Variants in ATAD2 observed in about 807,000 individuals in gnomAD.
ATAD2 encodes the protein ATPase family AAA domain-containing protein 2.
In ATAD2, 62 loss-of-function variants were observed where a neutral mutation model predicts 168.9. The observed-to-expected ratio is 0.37, with a 90% CI of 0.30 to 0.45. ATAD2 has a LOEUF of 0.45. Ranked by LOEUF, ATAD2 falls within the 20% of genes least tolerant of loss-of-function variation. ATAD2 has a pLI of 1.00. For missense variants in ATAD2, 1,419 were observed against 1,667.8 expected (o/e 0.85, Z 2.60); for synonymous variants, 613 against 571.6 (o/e 1.07, Z -1.03).
At chr8:123,327,129 G>T (rs544302291) in intron 25 of ATAD2, among the ~76,000 whole-genome samples, 22 of 152,114 alleles carry the variant, frequency 1.4e-4, no homozygotes, top group Admixed American at 7.2e-4. Context: ...GGCTGGTCTC[G>T]AACTCCTGAC....
chr8:123,336,326 G>A lies in ATAD2; in HGVS notation c.3211+47C>T, dbSNP rs375284169. On this transcript the variant is annotated intron_variant, in intron 22 of 27. Transcript: ENST00000287394. ...ACACAAAAATCAACCCTAAGTGTTA[G>A]CTGCCCCCCAACTCAACCCCCTGAA... 66 of 1,507,044 alleles carry A rather than the reference G, an allele frequency of 4.4e-5. No individual in the cohort carries two copies. In the African/African-American group the frequency reaches 9.1e-4, roughly 21 times the overall value. The allele number at this position is 1,507,044 out of a possible 1,614,324, so 93.4% of individuals were successfully genotyped here. A position where few individuals can be genotyped will look rare whatever the true frequency, so the allele number is the denominator to read the frequency against.
At chr8:123,377,520 T>A (rs935870326) in intron 2 of ATAD2, among the ~76,000 whole-genome samples, 1 of 152,154 alleles carries the variant, frequency 6.6e-6, no homozygotes, top group South Asian at 2.1e-4. Context: ...CCAAACTAAA[T>A]AGAAGTTCAT....
intron 21 of ATAD2, among the ~76,000 whole-genome samples, 156 bp downstream of exon 21, chr8:123,337,469 A>G (rs895358968): frequency 3.3e-5 from 5 of 152,224 alleles, no homozygotes; most frequent in Middle Eastern, 3.2e-3. Flanking sequence ...CCTGCTCTTA[A>G]AGTCTACATG....
chr8:123,327,032 C>T (rs1401404301), intron 25 of ATAD2, among the ~76,000 whole-genome samples: 1 of 152,098 alleles, frequency 6.6e-6, no homozygotes, highest in African/African-American at 2.4e-5. Flanking sequence ...CCTCAGCCTC[C>T]AGAGCAGTTG....
intron 8 of ATAD2, among the ~76,000 whole-genome samples, chr8:123,367,400 G>C (rs949665106): frequency 6.6e-6 from 1 of 152,160 alleles, no homozygotes; most frequent in African/African-American, 2.4e-5. Flanking sequence ...CTGGGCGAGA[G>C]AGTGAGATTT....
At chr8:123,351,588 C>T (rs1184251531) in intron 13 of ATAD2, among the ~76,000 whole-genome samples, 3 of 152,168 alleles carry the variant, frequency 2.0e-5, no homozygotes, top group South Asian at 2.1e-4. Flanking sequence ...CAAAGAACTA[C>T]ACTACTTCAT....
Position 123,348,008 on chromosome 8 carries a change from T to G in ATAD2, c.1897+175A>C, listed in dbSNP as rs1828307969. On this transcript the variant is annotated intron_variant, in intron 15 of 27. Coordinates refer to ENST00000287394, the MANE Select transcript of ATAD2 (RefSeq NM_014109.4). ...AGAAGAAAATGCCACAAATAAGAGA[T>G]AAGAAACAAATATAACCTTGTATTT... The G allele has an allele frequency of 6.0e-6, 4 of 667,524 alleles. No individual in the cohort carries two copies. The Admixed American group carries it at 8.0e-5, about 13-fold the overall frequency. The allele number at this position is 667,524 out of a possible 1,614,324, so 41.4% of individuals were successfully genotyped here.
intron 18 of ATAD2, among the ~76,000 whole-genome samples, chr8:123,345,413 G>A (rs1048925834): frequency 5.3e-5 from 8 of 151,174 alleles, no homozygotes; most frequent in South Asian, 2.1e-4. Flanking sequence ...TATAATCCAC[G>A]CACTTTGGGA....
Position 123,359,073 on chromosome 8 carries a change from A to G in ATAD2, c.1382+148T>C, listed in dbSNP as rs558652635. The G allele has an allele frequency of 4.9e-5, 27 of 555,138 alleles. No homozygotes were observed. The African/African-American group carries it at 5.0e-4, about 10-fold the overall frequency. 34.4% of individuals were successfully genotyped at this position (555,138 alleles called of 1,614,324 possible). On this transcript the variant is annotated intron_variant, in intron 11 of 27. Transcript: ENST00000287394. Reference sequence around the variant, plus strand: ...AAAGTTTATTTAAATTACTGCTTCTATAAAGGTGATTCAGAGAGAAAAGTT... The same window carrying G: ...AAAGTTTATTTAAATTACTGCTTCTGTAAAGGTGATTCAGAGAGAAAAGTT...
chr8:123,323,034 T>G lies in ATAD2; in HGVS notation c.4035A>C (p.Gln1345His), dbSNP rs377713802. 41 of 1,612,130 alleles carry G rather than the reference T, an allele frequency of 2.5e-5. No homozygotes were observed. Among genetic ancestry groups the G allele is most frequent in the Non-Finnish European group, 3.3e-5 (39 of 1,178,656 alleles). Residue 1345 changes from glutamine to histidine, a missense_variant, in exon 27 of 28, where the codon CAA becomes CAC. Physicochemically the swap from Gln to His is conservative, Grantham distance 24 (BLOSUM62 0). Coordinates refer to ENST00000287394, the MANE Select transcript of ATAD2 (RefSeq NM_014109.4). ...TTTCCAACTGAAATATGTTGTAGTTTTGACTTTTTTTAACAACAGTCTTCA... is the reference window on the plus strand; with the variant it reads ...TTTCCAACTGAAATATGTTGTAGTTGTGACTTTTTTTAACAACAGTCTTCA... ...NLLKTVVKKS[Q>H]NYNIFQLENL...
At chr8:123,395,597 G>A (rs933951407) in intron 1 of ATAD2, among the ~76,000 whole-genome samples, 15 of 152,194 alleles carry the variant, frequency 9.9e-5, no homozygotes, top group Admixed American at 7.2e-4. Flanking sequence ...CATTCTCAAA[G>A]GGTTATGACG....
intron 19 of ATAD2, among the ~76,000 whole-genome samples, chr8:123,343,644 C>T (rs561004586): frequency 6.6e-6 from 1 of 152,090 alleles, no homozygotes; most frequent in Non-Finnish European, 1.5e-5. Context: ...TACACAGAAG[C>T]CTACAATATG....
chr8:123,329,101 T>A (rs936103777), intron 24 of ATAD2, among the ~76,000 whole-genome samples: 2 of 152,036 alleles, frequency 1.3e-5, no homozygotes, highest in Non-Finnish European at 2.9e-5. Flanking sequence ...GCACCCGGCC[T>A]ATCTTGAATA....
chr8:123,396,131 C>G, intron 1 of ATAD2, 56 bp downstream of exon 1: 1 of 1,485,686 alleles, frequency 6.7e-7, no homozygotes, highest in Non-Finnish European at 8.9e-7. Flanking sequence ...GAGCGCCGGG[C>G]TGCCGGCAGT....
chr8:123,358,423 C>T (rs926037243), intron 11 of ATAD2, among the ~76,000 whole-genome samples: 4 of 151,980 alleles, frequency 2.6e-5, no homozygotes, highest in African/African-American at 9.7e-5. Context: ...CGGCTCACTG[C>T]AACCTCCGCA....
chr8:123,392,542 T>C (rs1434492229), intron 1 of ATAD2, among the ~76,000 whole-genome samples: 1 of 151,958 alleles, frequency 6.6e-6, no homozygotes, highest in Non-Finnish European at 1.5e-5. Flanking sequence ...AAGGACTGAG[T>C]TATTTATTTG....
chr8:123,356,324 T>G (rs1828644979), intron 13 of ATAD2, 65 bp downstream of exon 13: 1 of 1,330,292 alleles, frequency 7.5e-7, no homozygotes, highest in Non-Finnish European at 1.1e-6. Flanking sequence ...ACATTCTATC[T>G]CTCACACATC....
upstream of ATAD2, chr8:123,396,531 G>T: frequency 1.6e-6 from 1 of 629,126 alleles, no homozygotes; most frequent in Non-Finnish European, 2.7e-6. Flanking sequence ...CACCACCGTA[G>T]AACAGCAGGC....
chr8:123,349,675 C>T (rs1056806677), intron 13 of ATAD2, among the ~76,000 whole-genome samples: 1 of 151,844 alleles, frequency 6.6e-6, no homozygotes, highest in Non-Finnish European at 1.5e-5. Context: ...CAAATGAATC[C>T]TAGAAGACAT....
Sources: gnomAD v4.1 joint callset for allele counts (sites outside exome capture counted in the v4.1 genomes callset) on GRCh38, gnomAD v4.1.1 for gene constraint, MANE v1.5 for transcripts, NCBI Gene and HGNC (gene_info 2026-07-23, HGNC 2026-07-21) for gene names.